Variants in PARP14 observed in about 807,000 individuals in gnomAD.
PARP14 encodes the protein poly(ADP-ribose) polymerase family member 14, also known as protein mono-ADP-ribosyltransferase PARP14.
A neutral mutation model predicts 154.2 loss-of-function variants in PARP14; 59 were observed. The observed-to-expected ratio is 0.38, with a 90% CI of 0.31 to 0.48. The LOEUF is 0.48. PARP14 is among the 20% of genes least tolerant of loss of function. The pLI is 0.98. For missense variants in PARP14, 1,734 were observed against 2,131.6 expected (o/e 0.81, Z 3.67); for synonymous variants, 720 against 780.5 (o/e 0.92, Z 1.29).
At position 122,692,446 on chromosome 3, in the gene PARP14, G is replaced by A. The variant is rs1343255208; in HGVS notation, c.501G>A (p.Leu167=). 2 of 1,613,736 alleles carry A rather than the reference G, an allele frequency of 1.2e-6. No homozygotes were observed. The change falls in exon 4 of 17, where the codon TTG becomes TTA. Residue 167 remains leucine, a synonymous_variant. Transcript: ENST00000474629. ...ATGTGACTGACATAATGCTAATCTT[G>A]TTAGTGGAGAACATAAGTGGCCTGT... ...KANVTDIMLI[L]LVENISGLSN...
In PARP14 at chr3:122,730,746, A is replaced by G. The variant is rs924788205; in HGVS notation, c.*2149A>G. On this transcript the variant is annotated 3_prime_UTR_variant, in exon 17 of 17. Coordinates refer to ENST00000474629, the MANE Select transcript of PARP14 (RefSeq NM_017554.3). Reference sequence around the variant, plus strand: ...ATATCAGAGTGTATCGCACTGAAGAATAATAATCCATTCAGTAATGTTATA... The same window carrying G: ...ATATCAGAGTGTATCGCACTGAAGAGTAATAATCCATTCAGTAATGTTATA... 1 of 152,684 alleles carries G rather than the reference A, an allele frequency of 6.5e-6. No individual in the cohort carries two copies. Among genetic ancestry groups the G allele is most frequent in the Non-Finnish European group, 1.5e-5 (1 of 68,040 alleles). The allele number at this position is 152,684 out of a possible 1,614,324, so 9.5% of individuals were successfully genotyped here.
At chr3:122,706,794 G>C (rs1167969582) in intron 8 of PARP14, among the ~76,000 whole-genome samples, 1 of 149,098 alleles carries the variant, frequency 6.7e-6, no homozygotes, top group Non-Finnish European at 1.5e-5. Context: ...AGAAAATGAT[G>C]ATTATGGAGG....
chr3:122,723,028 C>T (rs763951126), intron 15 of PARP14, among the ~76,000 whole-genome samples: 1 of 151,942 alleles, frequency 6.6e-6, no homozygotes, highest in Middle Eastern at 3.2e-3. Flanking sequence ...CTCCGCCTAC[C>T]GGTTGCAAGC....
chr3:122,703,478 A>C (rs1397015326), intron 6 of PARP14, among the ~76,000 whole-genome samples: 1 of 152,116 alleles, frequency 6.6e-6, no homozygotes. Context: ...TGGTATCTTC[A>C]CTAGTTACTG....
intron 9 of PARP14, among the ~76,000 whole-genome samples, chr3:122,711,228 A>T (rs1326341709): frequency 1.3e-5 from 2 of 152,150 alleles, no homozygotes; most frequent in African/African-American, 4.8e-5. Flanking sequence ...TGGATTTGTC[A>T]CATATGGCTT....
intron 15 of PARP14, chr3:122,722,398 T>C (rs1371961768): frequency 6.6e-6 from 1 of 152,170 alleles, no homozygotes; most frequent in Non-Finnish European, 1.5e-5. Flanking sequence ...GATTGGCACA[T>C]TGTGATGAGA....
Position 122,713,568 on chromosome 3 carries a change from A to G in PARP14, c.3764A>G (p.Lys1255Arg). 6.2e-7 allele frequency: 1 copy of G among 1,613,346 alleles called. No homozygotes were observed. Residue 1255 changes from lysine (K) to arginine (R), a missense_variant, in exon 10 of 17, where the codon AAA (lysine) becomes AGA (arginine). Transcript: ENST00000474629. The stretch of plus-strand genomic sequence containing the variant: ...TCAACATCAAACTCATTCAATCTCA[A>G]AGCAGGTACTTGTACAATTTTGATG... ...VNSTSNSFNL[K>R]AGVSKAILEC...
chr3:122,704,835 T>C (rs1246262850), intron 8 of PARP14, 87 bp downstream of exon 8: 2 of 678,826 alleles, frequency 2.9e-6, no homozygotes, highest in African/African-American at 3.6e-5. Context: ...GATACTTTTT[T>C]CATTCATTTC....
intron 4 of PARP14, among the ~76,000 whole-genome samples, chr3:122,692,744 A>T (rs1938581633): frequency 6.6e-6 from 1 of 152,224 alleles, no homozygotes; most frequent in Non-Finnish European, 1.5e-5. Context: ...TAGTAGAATT[A>T]ACTTTATTGC....
Position 122,728,556 on chromosome 3 carries a change from T to C in PARP14, c.5365T>C (p.Tyr1789His). 1 of 1,613,728 alleles carries C rather than the reference T, an allele frequency of 6.2e-7. No individual in the cohort carries two copies. Among genetic ancestry groups the C allele is most frequent in the Non-Finnish European group, 8.5e-7 (1 of 1,179,660 alleles). ...HPSLFVAFYD[Y>H]QAYPEYLITF... is the part of the protein sequence containing the mutation. Reference sequence around the variant, plus strand: ...AAGTTTATTTGTGGCATTTTATGACTACCAAGCATACCCAGAGTACCTTAT... The same window carrying C: ...AAGTTTATTTGTGGCATTTTATGACCACCAAGCATACCCAGAGTACCTTAT... Residue 1789 changes from tyrosine to histidine, a missense_variant, in exon 17 of 17, where the codon TAC becomes CAC. Physicochemically the swap from Tyr to His is moderately conservative, Grantham distance 83. Coordinates refer to ENST00000474629, the MANE Select transcript of PARP14 (RefSeq NM_017554.3).
chr3:122,718,382 T>A lies in PARP14; in HGVS notation c.4231T>A (p.Ser1411Thr), dbSNP rs1463462211. 1.2e-6 allele frequency: 2 copies of A among 1,612,078 alleles called. No homozygotes were observed. Among genetic ancestry groups the A allele is most frequent in the African/African-American group, 1.3e-5 (1 of 74,768 alleles). Residue 1411 changes from serine to threonine, a missense_variant, in exon 14 of 17, where the codon TCT becomes ACT. Around this residue, in one of 2 missense-constraint regions of PARP14, gnomAD observed 1,646 missense variants for 1,976.0 expected, o/e 0.83. Transcript: ENST00000474629. ...AGCATTTTTGGGCTTTTCAAAGCAA[T>A]CTCCCCAAAAAAAGAATCATTTGGT... ...LASFLGFSKQ[S>T]PQKKNHLVLE...
chr3:122,713,691 C>T (rs1348714235), intron 10 of PARP14, 118 bp downstream of exon 10: 1 of 989,084 alleles, frequency 1.0e-6, no homozygotes, highest in East Asian at 2.4e-5. Context: ...TTAAATTATG[C>T]TGACAGGGTT....
At chr3:122,725,152 C>T (rs1323243917) in intron 15 of PARP14, among the ~76,000 whole-genome samples, 8 of 152,282 alleles carry the variant, frequency 5.3e-5, no homozygotes, top group Admixed American at 2.6e-4. Flanking sequence ...TCTCAATGGT[C>T]GCTGTCTCTT....
At chr3:122,704,440 G>A in intron 7 of PARP14, 87 bp from the exon 8 acceptor site, 1 of 771,436 alleles carries the variant, frequency 1.3e-6, no homozygotes, top group Non-Finnish European at 2.2e-6. Flanking sequence ...GAGTATTCAA[G>A]TTCACAAAGT....
intron 9 of PARP14, among the ~76,000 whole-genome samples, chr3:122,712,330 G>A (rs545532500): frequency 1.3e-5 from 2 of 150,136 alleles, no homozygotes; most frequent in South Asian, 2.1e-4. Flanking sequence ...TGCAACCTCC[G>A]CCTCCCGGGT....
At chr3:122,708,125 C>A in intron 8 of PARP14, 65 bp from the exon 9 acceptor site, 1 of 832,584 alleles carries the variant, frequency 1.2e-6, no homozygotes, top group Non-Finnish European at 2.0e-6. Flanking sequence ...GACAAAACAC[C>A]CTGATGATTC....
In PARP14 at chr3:122,701,362, C is replaced by T; in HGVS notation, c.2808C>T (p.Thr936=). 1 of 1,614,046 alleles carries T rather than the reference C, an allele frequency of 6.2e-7. No individual in the cohort carries two copies. The highest frequency in any genetic ancestry group is 1.1e-5 in the South Asian group (1 of 91,080). ...FGFPLGRCVE[T]IVSAIKENFQ... Reference sequence around the variant, plus strand: ...TTCCCTTAGGCCGATGCGTGGAGACCATTGTTTCTGCCATCAAGGAAAACT... The same window carrying T: ...TTCCCTTAGGCCGATGCGTGGAGACTATTGTTTCTGCCATCAAGGAAAACT... Residue 936 remains threonine (T), a synonymous_variant, in exon 6 of 17, where the codon ACC becomes ACT. Transcript: ENST00000474629. This position sits in a 1 kb window ranked among gnomAD's most constrained non-coding sequence, Gnocchi z 4.0.
intron 8 of PARP14, among the ~76,000 whole-genome samples, chr3:122,707,043 T>C (rs927287029): frequency 6.6e-6 from 1 of 152,238 alleles, no homozygotes; most frequent in Non-Finnish European, 1.5e-5. Flanking sequence ...ATGTTCATTG[T>C]AGAAACTTTG....
chr3:122,685,933 G>A (rs1271097840), intron 2 of PARP14, among the ~76,000 whole-genome samples: 1 of 152,070 alleles, frequency 6.6e-6, no homozygotes, highest in African/African-American at 2.4e-5. Flanking sequence ...CCTGTAACCT[G>A]TTATATTTGT....
Sources: gnomAD v4.1 joint callset for allele counts (sites outside exome capture counted in the v4.1 genomes callset) on GRCh38, gnomAD v4.1.1 for gene constraint, gnomAD v4.1.1 regional missense constraint, Gnocchi (gnomAD v3.1) non-coding constraint, MANE v1.5 for transcripts, NCBI Gene and HGNC (gene_info 2026-07-23, HGNC 2026-07-21) for gene names.